Variants in SLC13A3 observed in about 807,000 individuals in gnomAD.
SLC13A3 encodes the protein solute carrier family 13 member 3.
SLC13A3 carries 40 observed loss-of-function variants against 59.0 expected under a neutral mutation model. The ratio of observed to expected loss-of-function variants is 0.68; its 90% CI spans 0.53 to 0.88. The LOEUF (loss-of-function observed/expected upper bound fraction) is 0.88. Among genes scored for constraint, SLC13A3 ranks in the 40% least tolerant of loss-of-function variants. The probability of loss-of-function intolerance (pLI) is 0.00; values close to 1 mark genes in which losing one functional copy is unlikely to be tolerated. For missense variants in SLC13A3, 699 were observed against 783.2 expected (o/e 0.89, Z 1.28); for synonymous variants, 317 against 330.3 (o/e 0.96, Z 0.44).
chr20:46,589,366 G>T, intron 6 of SLC13A3, 111 bp from the exon 7 acceptor site: 1 of 798,524 alleles, frequency 1.3e-6, no homozygotes, highest in Non-Finnish European at 2.1e-6. Flanking sequence ...CCGGGAGGCT[G>T]CAACTGCCTG....
chr20:46,623,381 A>G (rs2062635447), intron 1 of SLC13A3, among the ~76,000 whole-genome samples: 1 of 148,676 alleles, frequency 6.7e-6, no homozygotes, highest in Non-Finnish European at 1.5e-5. Context: ...GCCCCTAACA[A>G]TCTTTTCTTT....
chr20:46,605,516 G>C (rs2062429733), intron 3 of SLC13A3, among the ~76,000 whole-genome samples: 1 of 152,186 alleles, frequency 6.6e-6, no homozygotes, highest in African/African-American at 2.4e-5. Flanking sequence ...CCAGGGGATG[G>C]AGAACTTTCA....
At chr20:46,613,957 A>G (rs1048546458) in intron 1 of SLC13A3, 17 of 459,896 alleles carry the variant, frequency 3.7e-5, no homozygotes, top group South Asian at 1.0e-4. Context: ...ATTTTGCTCA[A>G]TTATAAAATG....
At chr20:46,581,401 G>A (rs573208993) in intron 9 of SLC13A3, among the ~76,000 whole-genome samples, 140 of 152,302 alleles carry the variant, frequency 9.2e-4, no homozygotes, top group African/African-American at 1.8e-3. Context: ...GGACCAACCC[G>A]ACTCTTACTC....
At chr20:46,661,927 C>T (rs901949176) in intron 1 of SLC13A3, among the ~76,000 whole-genome samples, 1 of 152,164 alleles carries the variant, frequency 6.6e-6, no homozygotes, top group African/African-American at 2.4e-5. Flanking sequence ...CTTTTATCAC[C>T]TGTTTTGGTG....
chr20:46,587,281 TATC>T (rs934660758), intron 8 of SLC13A3, among the ~76,000 whole-genome samples: 11 of 152,216 alleles, frequency 7.2e-5, no homozygotes, highest in African/African-American at 2.7e-4. Flanking sequence ...ACTAGTATAA[TATC>T]ATTTTACAGA....
In SLC13A3 at chr20:46,613,776, GGGAAGGA is replaced by G. The variant is rs756372161; in HGVS notation, c.112-58_112-52del. On this transcript the variant is annotated intron_variant, in intron 1 of 12. Coordinates refer to ENST00000279027, the MANE Select transcript of SLC13A3 (RefSeq NM_022829.6). ...GGGTCAGCGGGGCTCGGGGCAGAAG[GGGAAGGA>G]GGCCCAGGGCTCAGGGCAGAGGGGG... 6.2e-5 allele frequency: 94 copies of G among 1,519,392 alleles called. 2 individuals are homozygous for G. In the South Asian group the frequency reaches 1.1e-3, roughly 18 times the overall value. 94.1% of individuals were successfully genotyped at this position (1,519,392 alleles called of 1,614,324 possible).
At chr20:46,634,128 A>C (rs1406018234) in intron 1 of SLC13A3, among the ~76,000 whole-genome samples, 1 of 152,208 alleles carries the variant, frequency 6.6e-6, no homozygotes, top group Non-Finnish European at 1.5e-5. Flanking sequence ...AGCCCTTTAC[A>C]GTAATTGTGT....
At chr20:46,609,752 C>T (rs1376121284) in intron 3 of SLC13A3, among the ~76,000 whole-genome samples, 3 of 152,126 alleles carry the variant, frequency 2.0e-5, no homozygotes, top group Non-Finnish European at 4.4e-5. Flanking sequence ...TGGCATGTAT[C>T]CACCATATTT....
chr20:46,633,351 G>A (rs147425196), intron 1 of SLC13A3, among the ~76,000 whole-genome samples: 86 of 152,276 alleles, frequency 5.6e-4, no homozygotes, highest in African/African-American at 2.0e-3. Context: ...GGGGAACAAG[G>A]CCACTAGGAG....
At chr20:46,573,341 G>T (rs916288474) in intron 10 of SLC13A3, among the ~76,000 whole-genome samples, 3 of 152,154 alleles carry the variant, frequency 2.0e-5, no homozygotes, top group African/African-American at 7.2e-5. Flanking sequence ...ACAGATGGAT[G>T]CTGGGATACA....
At chr20:46,639,195 G>A (rs540834821) in intron 1 of SLC13A3, among the ~76,000 whole-genome samples, 63 of 149,970 alleles carry the variant, frequency 4.2e-4, no homozygotes, top group African/African-American at 1.5e-3. Flanking sequence ...TGTAATCCTA[G>A]CACTTTGGGA....
intron 1 of SLC13A3, among the ~76,000 whole-genome samples, chr20:46,665,887 A>C (rs2063060518): frequency 6.6e-6 from 1 of 152,196 alleles, no homozygotes; most frequent in South Asian, 2.1e-4. Flanking sequence ...GTTTCTCTAC[A>C]TCTTCCCAGC....
chr20:46,677,926 T>G (rs2063135634), intron 1 of SLC13A3, among the ~76,000 whole-genome samples: 1 of 152,206 alleles, frequency 6.6e-6, no homozygotes, highest in South Asian at 2.1e-4. Flanking sequence ...AAGCCAGATG[T>G]CTAGATTTTT....
intron 1 of SLC13A3, among the ~76,000 whole-genome samples, chr20:46,647,227 C>T (rs544515967): frequency 2.0e-5 from 3 of 152,270 alleles, no homozygotes; most frequent in South Asian, 4.1e-4. Context: ...GCAGCCTTGC[C>T]GAGAGCATCC....
At chr20:46,642,087 C>T (rs777923642) in intron 1 of SLC13A3, among the ~76,000 whole-genome samples, 3 of 152,220 alleles carry the variant, frequency 2.0e-5, no homozygotes, top group African/African-American at 4.8e-5. Context: ...CTCTGCCTCC[C>T]GACAGACCCT....
intron 1 of SLC13A3, among the ~76,000 whole-genome samples, chr20:46,665,944 GC>G (rs1482534281): frequency 2.9e-4 from 44 of 152,198 alleles, no homozygotes; most frequent in African/African-American, 8.4e-4. Context: ...TACTGCGTGT[GC>G]TTTTTATTTC....
intron 3 of SLC13A3, among the ~76,000 whole-genome samples, chr20:46,604,170 C>A (rs1233949122): frequency 1.3e-5 from 2 of 152,068 alleles, no homozygotes; most frequent in East Asian, 3.9e-4. Flanking sequence ...CTGTGTCACC[C>A]TCAAAATCCC....
intron 1 of SLC13A3, among the ~76,000 whole-genome samples, chr20:46,632,584 G>C (rs2122819322): frequency 6.6e-6 from 1 of 152,294 alleles, no homozygotes; most frequent in Middle Eastern, 3.4e-3. Flanking sequence ...TATGAGCTTG[G>C]CATCCAGTGC....
Sources: gnomAD v4.1 joint callset for allele counts (sites outside exome capture counted in the v4.1 genomes callset) on GRCh38, gnomAD v4.1.1 for gene constraint, MANE v1.5 for transcripts, NCBI Gene and HGNC (gene_info 2026-07-23, HGNC 2026-07-21) for gene names.